PCSK5: variants seen among roughly 807,000 people sequenced by gnomAD.
PCSK5 encodes proprotein convertase subtilisin/kexin type 5.
In PCSK5, 129 loss-of-function variants were observed where a neutral mutation model predicts 233.2. The ratio of observed to expected loss-of-function variants is 0.55; its 90% CI spans 0.48 to 0.64. The LOEUF (loss-of-function observed/expected upper bound fraction) is 0.64. Among genes scored for constraint, PCSK5 ranks in the 30% least tolerant of loss-of-function variants. The pLI, the probability that PCSK5 is intolerant of heterozygous loss-of-function variation, is 0.00. For synonymous variants in PCSK5, 825 were observed against 879.2 expected (o/e 0.94, Z 1.09); for missense variants, 2,076 against 2,430.1 (o/e 0.85, Z 3.06).
At chr9:76,289,500 C>T (rs61407021) in intron 24 of PCSK5, among the ~76,000 whole-genome samples, 4,112 of 120,114 alleles carry the variant, frequency 0.034, 70 homozygotes, top group South Asian at 0.054. Flanking sequence ...CACACACACA[C>T]ACACACACAC....
At position 76,332,504 on chromosome 9, in the gene PCSK5, C is replaced by T. The variant is rs763966009; in HGVS notation, c.4642C>T (p.His1548Tyr). Residue 1548 changes from histidine (H) to tyrosine (Y), a missense_variant, in exon 34 of 38, where the codon CAC becomes TAC. His to Tyr is a moderately conservative substitution (Grantham distance 83, BLOSUM62 2). Around this residue, in one of 6 missense-constraint regions of PCSK5, gnomAD observed 1,510 missense variants for 1,538.1 expected, o/e 0.98. Coordinates refer to ENST00000674117, the MANE Select transcript of PCSK5 (RefSeq NM_001372043.1). ...GGACAGCAACCGGTGTGCCCACTGC[C>T]ACAGCTCTTGCAGGACATGTGAAGG... ...DEDSNRCAHCHSSCRTCEGRH... is the reference protein window; with the variant it reads ...DEDSNRCAHCYSSCRTCEGRH... The T allele has an allele frequency of 1.2e-6, 2 of 1,612,650 alleles. No homozygotes were observed. Among genetic ancestry groups the T allele is most frequent in the South Asian group, 1.1e-5 (1 of 91,080 alleles).
At chr9:75,929,048 A>G (rs113539940) in intron 1 of PCSK5, among the ~76,000 whole-genome samples, 11,311 of 151,838 alleles carry the variant, frequency 0.074, 509 homozygotes, top group African/African-American at 0.11. Context: ...CAATTCTCCT[A>G]CCTCAGCCTC....
At position 76,239,122 on chromosome 9, in the gene PCSK5, A is replaced by G. The variant is rs764237075; in HGVS notation, c.3030A>G (p.Ile1010Met). 9 of 1,599,312 alleles carry G rather than the reference A, an allele frequency of 5.6e-6. No homozygotes were observed. In the South Asian group the frequency reaches 7.9e-5, roughly 14 times the overall value. The change falls in exon 23 of 38, where the codon ATA becomes ATG. Residue 1010 changes from isoleucine to methionine, a missense_variant. Physicochemically the swap from Ile to Met is conservative, Grantham distance 10. Transcript: ENST00000674117. ...CAAGATGCATGAAGGGCTACTTCAT[A>G]GCGCCCACCAACCACACATGCCAGA... ...VCTRCMKGYF[I>M]APTNHTCQKL...
At chr9:75,915,600 C>A (rs1190498675) in intron 1 of PCSK5, among the ~76,000 whole-genome samples, 1 of 152,088 alleles carries the variant, frequency 6.6e-6, no homozygotes, top group Non-Finnish European at 1.5e-5. Context: ...AAATTACCTG[C>A]GTGTATTTGA....
intron 20 of PCSK5, among the ~76,000 whole-genome samples, chr9:76,223,097 C>T (rs1219449472): frequency 6.6e-6 from 1 of 152,164 alleles, no homozygotes; most frequent in Non-Finnish European, 1.5e-5. Context: ...AGATCAAAAA[C>T]CAAGCAACTG....
chr9:75,968,215 G>A (rs371443028), intron 2 of PCSK5, among the ~76,000 whole-genome samples: 12 of 152,318 alleles, frequency 7.9e-5, no homozygotes, highest in African/African-American at 2.9e-4. Flanking sequence ...GTGTTGAATC[G>A]AGTTGATTTG....
chr9:75,994,396 C>CTTTTTTT (rs1826907729), intron 3 of PCSK5, among the ~76,000 whole-genome samples: 3 of 68,330 alleles, frequency 4.4e-5, no homozygotes, highest in Admixed American at 1.6e-4. Context: ...TTCTTTCTTT[C>CTTTTTTT]TTTCTTTTTT....
chr9:75,942,591 C>G (rs537598978), intron 2 of PCSK5, among the ~76,000 whole-genome samples: 1 of 152,256 alleles, frequency 6.6e-6, no homozygotes, highest in South Asian at 2.1e-4. Flanking sequence ...TGCCAGTGCA[C>G]GGTGGCAGAA....
chr9:76,024,593 G>A (rs184258978), intron 4 of PCSK5, among the ~76,000 whole-genome samples: 1 of 152,314 alleles, frequency 6.6e-6, no homozygotes, highest in East Asian at 1.9e-4. Context: ...TGTCACACGC[G>A]AAGAGGGTTT....
At chr9:76,045,003 T>C (rs1051530715) in intron 5 of PCSK5, among the ~76,000 whole-genome samples, 4 of 152,212 alleles carry the variant, frequency 2.6e-5, no homozygotes, top group African/African-American at 9.6e-5. Context: ...TCACAGTCTA[T>C]TCCTTCTCTG....
At chr9:76,291,512 GGAAGTCACC>G (rs1828276478) in intron 24 of PCSK5, among the ~76,000 whole-genome samples, 1 of 152,286 alleles carries the variant, frequency 6.6e-6, no homozygotes, top group Admixed American at 6.5e-5. Flanking sequence ...GCAGGCCAGA[GGAAGTCACC>G]GAATTCTCTT....
At chr9:75,979,266 A>T (rs989583833) in intron 2 of PCSK5, among the ~76,000 whole-genome samples, 4 of 148,370 alleles carry the variant, frequency 2.7e-5, no homozygotes, top group Admixed American at 7.0e-5. Flanking sequence ...AAAGCCGTCT[A>T]AAAAAAAAAC....
chr9:76,311,942 A>G (rs144007723), intron 30 of PCSK5, among the ~76,000 whole-genome samples: 182 of 152,324 alleles, frequency 1.2e-3, no homozygotes, highest in African/African-American at 4.1e-3. Context: ...CTTGAAGAAA[A>G]GAAAATTTCC....
chr9:75,898,847 A>G (rs1825913055), intron 1 of PCSK5, among the ~76,000 whole-genome samples: 2 of 152,216 alleles, frequency 1.3e-5, no homozygotes. Flanking sequence ...ACAGATCAGA[A>G]AACATTCTCT....
intron 1 of PCSK5, among the ~76,000 whole-genome samples, chr9:75,924,907 G>C (rs2377424): frequency 0.09 from 13,637 of 152,094 alleles, 827 homozygotes; most frequent in African/African-American, 0.16. Flanking sequence ...CCCCGGGCAG[G>C]TTCTTACACT....
chr9:75,959,811 A>G (rs1825263242), intron 2 of PCSK5, among the ~76,000 whole-genome samples: 1 of 152,254 alleles, frequency 6.6e-6, no homozygotes, highest in South Asian at 2.1e-4. Flanking sequence ...GCTGGGCACA[A>G]CACTGTGCTT....
intron 1 of PCSK5, among the ~76,000 whole-genome samples, chr9:75,921,140 T>C (rs916693333): frequency 6.6e-6 from 1 of 152,148 alleles, no homozygotes; most frequent in African/African-American, 2.4e-5. Flanking sequence ...TTCTGCCGAA[T>C]GAAATGGATG....
At chr9:75,999,217 C>T (rs1042064699) in intron 3 of PCSK5, among the ~76,000 whole-genome samples, 1 of 152,214 alleles carries the variant, frequency 6.6e-6, no homozygotes, top group Admixed American at 6.5e-5. Context: ...CCTAGCCCCC[C>T]AGCCCCCAAC....
At chr9:76,161,973 TTTC>T (rs1195660720) in intron 12 of PCSK5, among the ~76,000 whole-genome samples, 1 of 152,124 alleles carries the variant, frequency 6.6e-6, no homozygotes, top group Non-Finnish European at 1.5e-5. Context: ...TCTGGAGCAG[TTTC>T]TTCAAGTGTG....
Sources: allele counts gnomAD v4.1 joint callset (sites outside exome capture counted in the v4.1 genomes callset), GRCh38; gene constraint gnomAD v4.1.1; regional missense constraint gnomAD v4.1.1; transcripts MANE v1.5; gene names NCBI Gene and HGNC (gene_info 2026-07-23, HGNC 2026-07-21).